RALYL: variants seen among roughly 807,000 people sequenced by gnomAD.
RALYL encodes the protein RALY RNA binding protein like.
RALYL carries 29 observed loss-of-function variants against 35.1 expected under a neutral mutation model. That is an observed-to-expected ratio of 0.83 (90% CI 0.61 to 1.13). The LOEUF (loss-of-function observed/expected upper bound fraction) is 1.13. RALYL is among the 50% of genes most tolerant of loss of function. The pLI, the probability that RALYL is intolerant of heterozygous loss-of-function variation, is 0.00. For synonymous variants in RALYL, 120 were observed against 127.6 expected, an observed-to-expected ratio of 0.94 and a Z score of 0.40; for missense variants, 359 against 360.4, an observed-to-expected ratio of 1.00 and a Z score of 0.03.
rs1490969263 is a variant in RALYL, at chr8:84,688,449, G to T, written c.257-86130G>T. Among the ~76,000 whole-genome samples, 3 of 152,132 alleles carry T rather than the reference G, an allele frequency of 2.0e-5. No individual in the cohort carries two copies. The East Asian group carries it at 5.8e-4, about 29-fold the overall frequency. On this transcript the variant is annotated intron_variant, in intron 2 of 8. Coordinates refer to ENST00000521268, the MANE Select transcript of RALYL (RefSeq NM_173848.7). ...CCACACATATGTGATCAATTAAAGT[G>T]TCCCAAGAACACACAATGGGGAAAG...
intron 1 of RALYL, among the ~76,000 whole-genome samples, chr8:84,294,904 G>T (rs1839473816): frequency 6.6e-6 from 1 of 152,048 alleles, no homozygotes; most frequent in South Asian, 2.1e-4. Context: ...TTTCTCTGGG[G>T]TTGGCCCTGC....
At chr8:84,341,599 T>A (rs1848803552) in intron 1 of RALYL, among the ~76,000 whole-genome samples, 2 of 152,038 alleles carry the variant, frequency 1.3e-5, no homozygotes, top group South Asian at 4.1e-4. Flanking sequence ...AAATTGCCCT[T>A]GAAAAAGTTA....
chr8:84,209,448 T>C (rs1818914900), intron 1 of RALYL, among the ~76,000 whole-genome samples: 1 of 152,172 alleles, frequency 6.6e-6, no homozygotes, highest in Admixed American at 6.6e-5. Flanking sequence ...CTTCCTTTTG[T>C]TGGAAAGAAA....
At chr8:84,241,212 A>C (rs564526368) in intron 1 of RALYL, among the ~76,000 whole-genome samples, 7 of 152,272 alleles carry the variant, frequency 4.6e-5, no homozygotes, top group African/African-American at 1.2e-4. Flanking sequence ...TGATAAGTTT[A>C]TGGTGAGGTG....
chr8:84,330,264 ACACT>A (rs1407845507), intron 1 of RALYL, among the ~76,000 whole-genome samples: 2 of 152,020 alleles, frequency 1.3e-5, no homozygotes, highest in Non-Finnish European at 2.9e-5. Context: ...AAAAACATAA[ACACT>A]CTACTGTTTA....
chr8:84,514,128 GA>G (rs1157620613), intron 1 of RALYL, among the ~76,000 whole-genome samples: 1 of 105,840 alleles, frequency 9.4e-6, no homozygotes, highest in African/African-American at 3.4e-5. Context: ...AAGAAAGAAA[GA>G]AAAAAAGAAA....
chr8:84,366,938 G>T (rs1262753064), intron 1 of RALYL, among the ~76,000 whole-genome samples: 1 of 151,762 alleles, frequency 6.6e-6, no homozygotes, highest in African/African-American at 2.4e-5. Flanking sequence ...GAGAATAGTA[G>T]GAAATAGCCT....
At chr8:84,419,908 T>C (rs1436054886) in intron 1 of RALYL, among the ~76,000 whole-genome samples, 1 of 151,724 alleles carries the variant, frequency 6.6e-6, no homozygotes, top group African/African-American at 2.4e-5. Flanking sequence ...GTATTCCATG[T>C]TGTATATGTG....
rs1179372758 is a variant in RALYL at position 84,234,765 on chromosome 8, ATT to A, written c.-24+50343_-24+50344del. Among the ~76,000 whole-genome samples the A allele has an allele frequency of 2.2e-5, 3 of 136,926 alleles. No individual in the cohort carries two copies. In the South Asian group the frequency reaches 6.7e-4, roughly 31 times the overall value. 89.8% of individuals were successfully genotyped at this position (136,926 alleles called of 152,430 possible). On this transcript the variant is annotated intron_variant, in intron 1 of 8. Transcript: ENST00000521268. The stretch of plus-strand genomic sequence containing the variant: ...CTAAATTGCAAAATTTTATTTATTT[ATT>A]TATTTTTTTTTTTTTGAGATGGAGT...
Position 84,835,131 on chromosome 8 carries a change from G to A in RALYL, c.366-14849G>A, listed in dbSNP as rs181375394. ...AAGAAATTCTGATAAATTAGATTAAGTTCAAAGAAGAGAGACGGTGATAAT... is the reference window on the plus strand; with the variant it reads ...AAGAAATTCTGATAAATTAGATTAAATTCAAAGAAGAGAGACGGTGATAAT... On this transcript the variant is annotated intron_variant, in intron 4 of 8. Coordinates refer to ENST00000521268, the MANE Select transcript of RALYL (RefSeq NM_173848.7). 7.2e-5 allele frequency among the ~76,000 whole-genome samples: 11 copies of A among 152,248 alleles called. No individual in the cohort carries two copies. The East Asian group carries it at 1.7e-3, about 24-fold the overall frequency.
chr8:84,482,683 G>A (rs2054173014), intron 1 of RALYL, among the ~76,000 whole-genome samples: 1 of 151,946 alleles, frequency 6.6e-6, no homozygotes, highest in South Asian at 2.1e-4. Context: ...TACAATACTT[G>A]TTTTTACTTT....
At chr8:84,840,269 C>A (rs1056030152) in intron 4 of RALYL, among the ~76,000 whole-genome samples, 1 of 151,898 alleles carries the variant, frequency 6.6e-6, no homozygotes, top group Non-Finnish European at 1.5e-5. Context: ...CAGAGAAGTC[C>A]TTAAAGGACC....
At chr8:84,751,876 A>G (rs368613294) in intron 2 of RALYL, among the ~76,000 whole-genome samples, 54 of 152,176 alleles carry the variant, frequency 3.5e-4, no homozygotes, top group African/African-American at 1.3e-3. Context: ...TAAATTACCC[A>G]GTCTCAGGTA....
intron 1 of RALYL, among the ~76,000 whole-genome samples, chr8:84,334,668 G>A (rs1009509340): frequency 1.3e-5 from 2 of 151,924 alleles, no homozygotes; most frequent in African/African-American, 2.4e-5. Context: ...AATGTGTTTT[G>A]TAACTGTTTT....
chr8:84,920,553 A>C (rs1991351), intron 8 of RALYL, among the ~76,000 whole-genome samples: 45,223 of 151,892 alleles, frequency 0.3, 7,242 homozygotes, highest in East Asian at 0.61. Context: ...CACAACAAAG[A>C]TTCACGAGTA....
chr8:84,846,587 G>T (rs1445509826), intron 4 of RALYL, among the ~76,000 whole-genome samples: 1 of 152,094 alleles, frequency 6.6e-6, no homozygotes, highest in African/African-American at 2.4e-5. Flanking sequence ...CAGTTGGATT[G>T]GTAACAACTC....
At chr8:84,442,622 T>G (rs2048456944) in intron 1 of RALYL, among the ~76,000 whole-genome samples, 1 of 152,052 alleles carries the variant, frequency 6.6e-6, no homozygotes, top group Non-Finnish European at 1.5e-5. Context: ...CTGTGCTGCA[T>G]TGAAGGGTGG....
chr8:84,532,378 C>T (rs1467260912), intron 2 of RALYL, among the ~76,000 whole-genome samples: 4 of 151,926 alleles, frequency 2.6e-5, no homozygotes, highest in Non-Finnish European at 1.5e-5. Flanking sequence ...AAGTATTATA[C>T]CTTTGTTTTT....
At chr8:84,372,832 T>C (rs1237393065) in intron 1 of RALYL, among the ~76,000 whole-genome samples, 1 of 137,388 alleles carries the variant, frequency 7.3e-6, no homozygotes, top group Non-Finnish European at 1.5e-5. Flanking sequence ...TAATTTACAC[T>C]CCCACCAACA....
Sources: allele counts gnomAD v4.1 joint callset (sites outside exome capture counted in the v4.1 genomes callset), GRCh38; gene constraint gnomAD v4.1.1; transcripts MANE v1.5; gene names NCBI Gene and HGNC (gene_info 2026-07-23, HGNC 2026-07-21).